IRAK4: variants seen among roughly 807,000 people sequenced by gnomAD.
IRAK4 encodes interleukin 1 receptor associated kinase 4, also known as interleukin-1 receptor-associated kinase 4.
Under a neutral mutation model 51.8 loss-of-function variants are expected in IRAK4, and 44 were observed. That is an observed-to-expected ratio of 0.85 (90% CI 0.67 to 1.09). The LOEUF is 1.09. Among genes scored for constraint, IRAK4 ranks in the 50% least tolerant of loss-of-function variants. The pLI is 0.00. For missense variants in IRAK4, 487 were observed against 538.0 expected (o/e 0.91, Z 0.94); for synonymous variants, 149 against 174.1 (o/e 0.86, Z 1.13).
intron 6 of IRAK4, among the ~76,000 whole-genome samples, chr12:43,775,559 C>T (rs1370208613): frequency 6.6e-6 from 1 of 152,264 alleles, no homozygotes; most frequent in Admixed American, 6.5e-5. Flanking sequence ...AATTTGAAAA[C>T]ATTTTAAATT....
At chr12:43,766,122 C>T (rs561132049) in intron 1 of IRAK4, among the ~76,000 whole-genome samples, 1 of 152,270 alleles carries the variant, frequency 6.6e-6, no homozygotes, top group South Asian at 2.1e-4. Context: ...AAGTGGCTCT[C>T]CTGTAACTTT....
rs1312746057 is a variant in IRAK4 at position 43,777,764 on chromosome 12, G to T, written c.831+20G>T. 2 of 1,580,212 alleles carry T rather than the reference G, an allele frequency of 1.3e-6. No individual in the cohort carries two copies. Among genetic ancestry groups the T allele is most frequent in the African/African-American group, 2.7e-5 (2 of 74,234 alleles). On this transcript the variant is annotated intron_variant, in intron 7 of 11. Transcript: ENST00000613694. ...TGCTTGGTAAGCTATTTGTTCATCA[G>T]ATTGTTTGGCTTTTTGTTTATATGC... is the stretch of plus-strand genomic sequence containing the variant.
rs1941490517 is a variant in IRAK4, at chr12:43,778,440, A to G, written c.941+138A>G. 7 of 655,792 alleles carry G rather than the reference A, an allele frequency of 1.1e-5. No homozygotes were observed. The South Asian group carries it at 1.2e-4, about 12-fold the overall frequency. 40.6% of individuals were successfully genotyped at this position (655,792 alleles called of 1,614,324 possible). ...CCATCACTCCATGAAAGCTCTTCTC[A>G]ATAAGGACATCTATAATCTCCTTTA... On this transcript the variant is annotated intron_variant, in intron 8 of 11. Coordinates refer to ENST00000613694, the MANE Select transcript of IRAK4 (RefSeq NM_016123.4).
chr12:43,787,123 A>G lies in IRAK4; in HGVS notation c.*408A>G, dbSNP rs929503890. 3.5e-5 allele frequency: 6 copies of G among 173,034 alleles called. No homozygotes were observed. Among genetic ancestry groups the G allele is most frequent in the African/African-American group, 7.1e-5 (3 of 42,072 alleles). 10.7% of individuals were successfully genotyped at this position (173,034 alleles called of 1,614,324 possible). A position where few individuals can be genotyped will look rare whatever the true frequency, so the allele number is the denominator to read the frequency against. On this transcript the variant is annotated 3_prime_UTR_variant, in exon 12 of 12. Transcript: ENST00000613694. Reference sequence around the variant, plus strand: ...GTGAGCCACTAATAACATTGGGCTAATATCTGCTGTGCTTCTCTGACAGGT... The same window carrying G: ...GTGAGCCACTAATAACATTGGGCTAGTATCTGCTGTGCTTCTCTGACAGGT...
rs1001238686 is a variant in IRAK4, at chr12:43,777,724, C to A, written c.811C>A (p.Leu271Ile). Residue 271 changes from leucine to isoleucine, a missense_variant, in exon 7 of 12, where the codon CTA becomes ATA. By Grantham distance (5) the Leu-to-Ile change is conservative (BLOSUM62 2). Transcript: ENST00000613694. ...TGTTTACATGCCTAATGGTTCATTG[C>A]TAGACAGACTCTCTTGCTTGGTAAG... is the stretch of plus-strand genomic sequence containing the variant. ...VYVYMPNGSL[L>I]DRLSCLDGTP... 14 of 1,612,016 alleles carry A rather than the reference C, an allele frequency of 8.7e-6. No homozygotes were observed. The highest frequency in any genetic ancestry group is 1.1e-5 in the Non-Finnish European group (13 of 1,178,500).
rs1940730746 is a variant in IRAK4, at chr12:43,771,271, G to C, written c.213G>C (p.Leu71=). Residue 71 remains leucine (L), a synonymous_variant, in exon 3 of 12, where the codon CTG becomes CTC. Coordinates refer to ENST00000613694, the MANE Select transcript of IRAK4 (RefSeq NM_016123.4). ...GAAAAAGTCCCACTTCTGAATTACT[G>C]TTTGACTGGGGCACCACAAATTGCA... The part of the protein sequence containing the change: ...QTGKSPTSEL[L]FDWGTTNCTV... 1 of 1,614,002 alleles carries C rather than the reference G, an allele frequency of 6.2e-7. No individual in the cohort carries two copies. The highest frequency in any genetic ancestry group is 8.5e-7 in the Non-Finnish European group (1 of 1,179,884).
intron 6 of IRAK4, among the ~76,000 whole-genome samples, chr12:43,776,571 C>G (rs570673162): frequency 6.6e-6 from 1 of 152,310 alleles, no homozygotes; most frequent in Non-Finnish European, 1.5e-5. Context: ...CGTTTCTAGG[C>G]TGTCATGTTT....
chr12:43,768,224 C>G lies in IRAK4; in HGVS notation c.113C>G (p.Ala38Gly), dbSNP rs1402262535. Residue 38 changes from alanine to glycine, a missense_variant, in exon 2 of 12, where the codon GCT (alanine) becomes GGT (glycine). Ala to Gly is a moderately conservative substitution (Grantham distance 60). Coordinates refer to ENST00000613694, the MANE Select transcript of IRAK4 (RefSeq NM_016123.4). ...PQEGWKKLAV[A>G]IKKPSGDDRY... The stretch of plus-strand genomic sequence containing the variant: ...GAAGGATGGAAGAAGTTAGCTGTAG[C>G]TATTAAAAAACCATCTGGTGATGAT... 4.3e-6 allele frequency: 7 copies of G among 1,612,828 alleles called. No homozygotes were observed. The highest frequency in any genetic ancestry group is 1.7e-6 in the Non-Finnish European group (2 of 1,179,170).
chr12:43,761,386 G>C (rs1156229116), intron 1 of IRAK4, among the ~76,000 whole-genome samples: 1 of 151,938 alleles, frequency 6.6e-6, no homozygotes, highest in Non-Finnish European at 1.5e-5. Flanking sequence ...TCTGGAAATT[G>C]AACCTAAATA....
rs1592231745 is a variant in IRAK4, at chr12:43,772,415, G to T, written c.490+53G>T. The T allele has an allele frequency of 2.7e-5, 41 of 1,495,046 alleles. No homozygotes were observed. The South Asian group carries it at 3.9e-4, about 14-fold the overall frequency. 92.6% of individuals were successfully genotyped at this position (1,495,046 alleles called of 1,614,324 possible). A position where few individuals can be genotyped will look rare whatever the true frequency, so the allele number is the denominator to read the frequency against. On this transcript the variant is annotated intron_variant, in intron 4 of 11. Coordinates refer to ENST00000613694, the MANE Select transcript of IRAK4 (RefSeq NM_016123.4). Reference sequence around the variant, plus strand: ...TAGGGATTTGTCATTAAGACTACCAGTGCTTTAAAAGAAAGCTCTTGCTCT... The same window carrying T: ...TAGGGATTTGTCATTAAGACTACCATTGCTTTAAAAGAAAGCTCTTGCTCT...
chr12:43,771,395 A>G (rs778884867), intron 3 of IRAK4, 30 bp downstream of exon 3: 3 of 1,611,364 alleles, frequency 1.9e-6, no homozygotes, highest in South Asian at 1.1e-5. Context: ...GGTGTCCACA[A>G]TTAGGGTGGA....
chr12:43,782,675 T>C (rs1357454781), intron 9 of IRAK4, among the ~76,000 whole-genome samples, 185 bp downstream of exon 9: 2 of 152,216 alleles, frequency 1.3e-5, no homozygotes, highest in African/African-American at 2.4e-5. Context: ...AACTTTTGAG[T>C]TGATTTTTGA....
At chr12:43,764,238 AC>A (rs1230561969) in intron 1 of IRAK4, among the ~76,000 whole-genome samples, 1 of 152,204 alleles carries the variant, frequency 6.6e-6, no homozygotes, top group Admixed American at 6.5e-5. Flanking sequence ...AGCCTGGTCA[AC>A]ATGGCGAAAC....
At position 43,774,049 on chromosome 12, in the gene IRAK4, T is replaced by A; in HGVS notation, c.716+20T>A. On this transcript the variant is annotated intron_variant, in intron 6 of 11. Transcript: ENST00000613694. ...GGCAAAGTAAGTCTTAATCTGGCAG[T>A]GCGGTGTAGTGGAAAGAAAAAAGAC... The A allele has an allele frequency of 6.3e-7, 1 of 1,579,906 alleles. No individual in the cohort carries two copies. The highest frequency in any genetic ancestry group is 1.1e-5 in the South Asian group (1 of 90,476).
rs915986446 is a variant in IRAK4 at position 43,787,064 on chromosome 12, T to G, written c.*349T>G. On this transcript the variant is annotated 3_prime_UTR_variant, in exon 12 of 12. Transcript: ENST00000613694. The stretch of plus-strand genomic sequence containing the variant: ...AAGCCCAGCTGACTCCACTACTAAT[T>G]TGCTGTAAAGCTTTGGACATACACT... The G allele has an allele frequency of 3.8e-6, 1 of 262,028 alleles. No individual in the cohort carries two copies. Among genetic ancestry groups the G allele is most frequent in the Non-Finnish European group, 7.3e-6 (1 of 137,540 alleles). 16.2% of individuals were successfully genotyped at this position (262,028 alleles called of 1,614,324 possible).
intron 6 of IRAK4, among the ~76,000 whole-genome samples, chr12:43,775,873 A>ATTTTTT (rs1941212405): frequency 4.2e-5 from 5 of 119,516 alleles, no homozygotes; most frequent in South Asian, 2.5e-4. Flanking sequence ...TAATATCATT[A>ATTTTTT]CTTTTTTTTT....
At chr12:43,772,004 C>T (rs1041160695) in intron 3 of IRAK4, among the ~76,000 whole-genome samples, 176 bp from the exon 4 acceptor site, 2 of 152,268 alleles carry the variant, frequency 1.3e-5, no homozygotes. Flanking sequence ...CTCTCTTTAC[C>T]CATCTTCATT....
intron 2 of IRAK4, 45 bp downstream of exon 2, chr12:43,768,317 T>A: frequency 7.1e-7 from 1 of 1,411,614 alleles, no homozygotes; most frequent in Non-Finnish European, 9.9e-7. Flanking sequence ...TACATCACAA[T>A]ATGGAATGAT....
At position 43,778,294 on chromosome 12, in the gene IRAK4, T is replaced by C. The variant is rs1353742621; in HGVS notation, c.933T>C (p.Asp311=). 3.2e-6 allele frequency: 5 copies of C among 1,549,684 alleles called. No homozygotes were observed. The South Asian group carries it at 5.6e-5, about 17-fold the overall frequency. ...FLHENHHIHR[D]IKSANILLDE... The stretch of plus-strand genomic sequence containing the variant: ...ATGAAAATCATCATATTCATAGAGA[T>C]ATTAAAAGGTAAATGCTACTGTTTA... Residue 311 remains aspartate, a synonymous_variant, in exon 8 of 12, where the codon GAT becomes GAC. Transcript: ENST00000613694.
Sources: allele counts gnomAD v4.1 joint callset (sites outside exome capture counted in the v4.1 genomes callset), GRCh38; gene constraint gnomAD v4.1.1; transcripts MANE v1.5; gene names NCBI Gene and HGNC (gene_info 2026-07-23, HGNC 2026-07-21).